Variants in HERC1 observed in about 807,000 individuals in gnomAD.
HERC1 encodes probable E3 ubiquitin-protein ligase HERC1.
In HERC1, 160 loss-of-function variants were observed where a neutral mutation model predicts 554.3. The observed-to-expected ratio is 0.29, with a 90% CI of 0.25 to 0.33. The LOEUF (loss-of-function observed/expected upper bound fraction) is 0.33. HERC1 is among the 10% of genes least tolerant of loss of function. The pLI is 1.00. For synonymous variants in HERC1, 2,175 were observed against 2,131.7 expected (o/e 1.02, Z -0.56); for missense variants, 4,919 against 5,918.5 (o/e 0.83, Z 5.54).
At chr15:63,686,621 C>T in intron 33 of HERC1, 86 bp from the exon 34 acceptor site, 2 of 1,118,812 alleles carry the variant, frequency 1.8e-6, no homozygotes, top group South Asian at 3.0e-5. Context: ...TTTTATCCTA[C>T]AAATATTTAT....
intron 12 of HERC1, among the ~76,000 whole-genome samples, chr15:63,742,287 T>C (rs1461282163): frequency 6.6e-6 from 1 of 152,224 alleles, no homozygotes; most frequent in Non-Finnish European, 1.5e-5. Flanking sequence ...TCTTTGATTG[T>C]ACATTGTTGG....
At chr15:63,615,972 A>G in intron 75 of HERC1, 52 bp from the exon 76 acceptor site, 1 of 1,433,748 alleles carries the variant, frequency 7.0e-7, no homozygotes, top group Admixed American at 2.6e-5. Flanking sequence ...ATGACAGCAA[A>G]AAGTATTTTA....
intron 6 of HERC1, among the ~76,000 whole-genome samples, chr15:63,754,890 A>C (rs766261122): frequency 7.9e-5 from 12 of 152,134 alleles, no homozygotes; most frequent in Non-Finnish European, 1.5e-4. Context: ...CCCTCACAGC[A>C]CTTACCTTGT....
intron 2 of HERC1, among the ~76,000 whole-genome samples, chr15:63,774,376 G>C (rs898483106): frequency 1.3e-5 from 2 of 152,010 alleles, no homozygotes; most frequent in African/African-American, 4.8e-5. Context: ...CTAAAGACCT[G>C]CTGATCACTA....
At chr15:63,662,049 A>C (rs1359328732) in intron 44 of HERC1, 28 bp from the exon 45 acceptor site, 2 of 1,595,306 alleles carry the variant, frequency 1.3e-6, no homozygotes, top group South Asian at 2.2e-5. Flanking sequence ...ATACCAAATG[A>C]TTAGTCAATT....
Position 63,652,500 on chromosome 15 carries a change from A to C in HERC1, c.10332T>G (p.Ala3444=). 6.2e-7 allele frequency: 1 copy of C among 1,606,726 alleles called. No individual in the cohort carries two copies. Among genetic ancestry groups the C allele is most frequent in the Non-Finnish European group, 8.5e-7 (1 of 1,175,794 alleles). Residue 3444 remains alanine, a synonymous_variant, in exon 52 of 78, where the codon GCT becomes GCG. Transcript: ENST00000443617. ...CVWCNKKGLL[A]TSGNDGTIRV... ...GGATGGTGCCATCATTGCCACTTGT[A>C]GCCAAAAGACCTTTTTTATTACACC...
At position 63,674,325 on chromosome 15, in the gene HERC1, A is replaced by T; in HGVS notation, c.7846+17T>A. 3.9e-6 allele frequency: 6 copies of T among 1,553,228 alleles called. No individual in the cohort carries two copies. Among genetic ancestry groups the T allele is most frequent in the Non-Finnish European group, 5.2e-6 (6 of 1,151,218 alleles). ...CAACAGCACAAAAGCAAAAAAAAAA[A>T]AAATCAGATAACATACCTTGCTTAA... is the stretch of plus-strand genomic sequence containing the variant. On this transcript the variant is annotated intron_variant, in intron 38 of 77. Transcript: ENST00000443617.
In HERC1 at chr15:63,678,038, C is replaced by G. The variant is rs2071293326; in HGVS notation, c.6877G>C (p.Glu2293Gln). The change falls in exon 37 of 78, where the codon GAG (glutamate) becomes CAG (glutamine). Residue 2293 changes from glutamate (E) to glutamine (Q), a missense_variant. Around this residue, in one of 11 missense-constraint regions of HERC1, gnomAD observed 1,963 missense variants for 2,228.6 expected, o/e 0.88. Transcript: ENST00000443617. ...HTRHGLADLS[E>Q]LQLRTLCIEV... ...ATGCAAAGAGTCCTCAGCTGCAGCT[C>G]TGAGAGGTCAGCGAGGCCATGCCTA... 6.2e-7 allele frequency: 1 copy of G among 1,613,992 alleles called. No individual in the cohort carries two copies. The highest frequency in any genetic ancestry group is 2.2e-5 in the East Asian group (1 of 44,884).
At position 63,645,033 on chromosome 15, in the gene HERC1, T is replaced by C; in HGVS notation, c.11143A>G (p.Thr3715Ala). Residue 3715 changes from threonine to alanine, a missense_variant, in exon 57 of 78, where the codon ACT becomes GCT. This residue lies in a region of HERC1 where 1,963 missense variants were observed against 2,228.6 expected (regional missense o/e 0.88). Transcript: ENST00000443617. ...TGCTCCCACCATCCTTCTGCACTAG[T>C]CACATTGGTCTGTGTAGTATCTTGA... is the stretch of plus-strand genomic sequence containing the variant. The part of the protein sequence containing the change: ...IPQDTTQTNV[T>A]SAEGWWEQES... 2.5e-6 allele frequency: 4 copies of C among 1,613,756 alleles called. No homozygotes were observed. The highest frequency in any genetic ancestry group is 3.4e-6 in the Non-Finnish European group (4 of 1,179,706).
chr15:63,784,064 C>CA (rs35436692), intron 1 of HERC1, among the ~76,000 whole-genome samples: 37,715 of 125,872 alleles, frequency 0.3, 5,345 homozygotes, highest in Middle Eastern at 0.41. Context: ...GACTCTATCT[C>CA]AAAAAAAAAA....
In HERC1 at chr15:63,645,558, T is replaced by A; in HGVS notation, c.11003A>T (p.His3668Leu). Residue 3668 changes from histidine (H) to leucine (L), a missense_variant, in exon 56 of 78, where the codon CAT becomes CTT. Physicochemically the swap from His to Leu is moderately conservative, Grantham distance 99 (BLOSUM62 -3). Coordinates refer to ENST00000443617, the MANE Select transcript of HERC1 (RefSeq NM_003922.4). ...GCWCCLHSLCHPSIVNGIAWC... is the reference protein window; with the variant it reads ...GCWCCLHSLCLPSIVNGIAWC... ...AGCAATGCCATTTACAATAGATGGATGGCAGAGTGAATGTAGACAGCACCA... is the reference window on the plus strand; with the variant it reads ...AGCAATGCCATTTACAATAGATGGAAGGCAGAGTGAATGTAGACAGCACCA... 6.2e-7 allele frequency: 1 copy of A among 1,613,718 alleles called. No individual in the cohort carries two copies. Among genetic ancestry groups the A allele is most frequent in the Non-Finnish European group, 8.5e-7 (1 of 1,179,788 alleles).
rs564317242 is a variant in HERC1 at position 63,768,453 on chromosome 15, A to G, written c.931-4262T>C. Among the ~76,000 whole-genome samples the G allele has an allele frequency of 2.0e-5, 3 of 152,386 alleles. No individual in the cohort carries two copies. In the East Asian group the frequency reaches 5.8e-4, roughly 29 times the overall value. On this transcript the variant is annotated intron_variant, in intron 2 of 77. Coordinates refer to ENST00000443617, the MANE Select transcript of HERC1 (RefSeq NM_003922.4). ...AGAAGCTAAGTGTTTAAAAGTAACT[A>G]GTCCCTAGACATACAATGTGTTGCT...
rs745822250 is a variant in HERC1, at chr15:63,612,599, C to T, written c.14095-43G>A. The T allele has an allele frequency of 6.3e-6, 10 of 1,575,702 alleles. No homozygotes were observed. Among genetic ancestry groups the T allele is most frequent in the Non-Finnish European group, 8.6e-6 (10 of 1,158,270 alleles). On this transcript the variant is annotated intron_variant, in intron 76 of 77. Transcript: ENST00000443617. This position sits in a 1 kb window ranked among gnomAD's most constrained non-coding sequence, Gnocchi z 5.0. Reference sequence around the variant, plus strand: ...TGCTCATTCAATGAGTGTGCGTGAACCTGGCACCCACCAAGGGCCCTGTGG... The same window carrying T: ...TGCTCATTCAATGAGTGTGCGTGAATCTGGCACCCACCAAGGGCCCTGTGG...
chr15:63,696,338 A>G lies in HERC1; in HGVS notation c.4907T>C (p.Leu1636Pro). ...GATCTGATGAAGTGCCTCTAAACGA[A>G]GCTTGAGGAAAAAAACATATTTTAG... ...AMEQQQLRAE[L>P]RLEALHQILV... Residue 1636 changes from leucine (L) to proline (P), a missense_variant and splice_region_variant, in exon 27 of 78, where the codon CTT becomes CCT. By Grantham distance (98) the Leu-to-Pro change is moderately conservative. Coordinates refer to ENST00000443617, the MANE Select transcript of HERC1 (RefSeq NM_003922.4). 1 of 1,604,122 alleles carries G rather than the reference A, an allele frequency of 6.2e-7. No homozygotes were observed. The highest frequency in any genetic ancestry group is 8.5e-7 in the Non-Finnish European group (1 of 1,174,538).
chr15:63,694,219 A>G lies in HERC1; in HGVS notation c.5481-62T>C. ...CACAGAAGGGCAAGCATAGTGCTTAAATACATAAAGCAGATTAGAGGGAAA... is the reference window on the plus strand; with the variant it reads ...CACAGAAGGGCAAGCATAGTGCTTAGATACATAAAGCAGATTAGAGGGAAA... On this transcript the variant is annotated intron_variant, in intron 29 of 77. Coordinates refer to ENST00000443617, the MANE Select transcript of HERC1 (RefSeq NM_003922.4). This position sits in a 1 kb window ranked among gnomAD's most constrained non-coding sequence, Gnocchi z 4.3. 2 of 1,563,950 alleles carry G rather than the reference A, an allele frequency of 1.3e-6. No homozygotes were observed. Among genetic ancestry groups the G allele is most frequent in the Non-Finnish European group, 1.7e-6 (2 of 1,153,550 alleles).
chr15:63,684,715 A>T (rs184160001), intron 34 of HERC1, among the ~76,000 whole-genome samples: 2 of 152,220 alleles, frequency 1.3e-5, no homozygotes, highest in Non-Finnish European at 1.5e-5. Flanking sequence ...GGGGGAAAAA[A>T]ATCTATGTTG....
chr15:63,801,067 T>G (rs2076969058), intron 1 of HERC1, among the ~76,000 whole-genome samples: 1 of 152,144 alleles, frequency 6.6e-6, no homozygotes, highest in South Asian at 2.1e-4. Flanking sequence ...GGTGAACACA[T>G]CAAGATGCTG....
chr15:63,755,214 T>G lies in HERC1; in HGVS notation c.1630+15A>C. 1 of 1,565,256 alleles carries G rather than the reference T, an allele frequency of 6.4e-7. No individual in the cohort carries two copies. The highest frequency in any genetic ancestry group is 8.8e-7 in the Non-Finnish European group (1 of 1,136,368). Reference sequence around the variant, plus strand: ...ATTTTCTAGAAGAATAACTTACATTTTTAAAAAATCTTACCTAATCTTCCA... The same window carrying G: ...ATTTTCTAGAAGAATAACTTACATTGTTAAAAAATCTTACCTAATCTTCCA... On this transcript the variant is annotated intron_variant, in intron 6 of 77. Coordinates refer to ENST00000443617, the MANE Select transcript of HERC1 (RefSeq NM_003922.4).
At position 63,694,449 on chromosome 15, in the gene HERC1, T is replaced by C. The variant is rs2072289787; in HGVS notation, c.5343A>G (p.Val1781=). The stretch of plus-strand genomic sequence containing the variant: ...TGTCTGTACCACACAACTGTGACAA[T>C]ACGTTTAGCAGACCAGTGGAAATTG... The part of the protein sequence containing the change: ...SLAISTGLLN[V]LSQLCGTDTM... The change falls in exon 29 of 78, where the codon GTA becomes GTG. Residue 1781 remains valine, a synonymous_variant. Coordinates refer to ENST00000443617, the MANE Select transcript of HERC1 (RefSeq NM_003922.4). The surrounding 1 kb of genome is among the most constrained non-coding windows in gnomAD (Gnocchi z 4.3). 6.2e-7 allele frequency: 1 copy of C among 1,613,996 alleles called. No individual in the cohort carries two copies. The highest frequency in any genetic ancestry group is 1.3e-5 in the African/African-American group (1 of 75,038).
Sources: allele counts gnomAD v4.1 joint callset (sites outside exome capture counted in the v4.1 genomes callset), GRCh38; gene constraint gnomAD v4.1.1; regional missense constraint gnomAD v4.1.1; non-coding constraint Gnocchi (gnomAD v3.1); transcripts MANE v1.5; gene names NCBI Gene and HGNC (gene_info 2026-07-23, HGNC 2026-07-21).